GAN: variants seen among roughly 807,000 people sequenced by gnomAD.
The protein encoded by GAN is epididymis secretory sperm binding protein.
In GAN, 48 loss-of-function variants were observed where a neutral mutation model predicts 71.3. The ratio of observed to expected loss-of-function variants is 0.67; its 90% confidence interval spans 0.53 to 0.86. The LOEUF (loss-of-function observed/expected upper bound fraction) is 0.86. GAN is among the 40% of genes least tolerant of loss of function. The pLI is 0.00. For missense variants in GAN, 928 were observed against 770.1 expected (o/e 1.21, Z -2.43); for synonymous variants, 386 against 276.8 (o/e 1.39, Z -3.92).
At chr16:81,335,870 T>C (rs1279302539) in intron 1 of GAN, among the ~76,000 whole-genome samples, 1 of 150,898 alleles carries the variant, frequency 6.6e-6, no homozygotes, top group East Asian at 1.9e-4. Context: ...CAGAGAGAAA[T>C]GAATAGAGAA....
intron 1 of GAN, among the ~76,000 whole-genome samples, chr16:81,348,236 A>C (rs1301082657): frequency 2.0e-5 from 3 of 152,114 alleles, no homozygotes; most frequent in Non-Finnish European, 4.4e-5. Context: ...TTTTTTTTTC[A>C]ATCATTACCA....
rs1904312863 is a variant in GAN at position 81,382,911 on chromosome 16, C to T, written c.*5315C>T. ...TTATGTGACATCTGAGGAATTAAATCATACTTCCAGATGGTTTGGTCTAAT... is the reference window on the plus strand; with the variant it reads ...TTATGTGACATCTGAGGAATTAAATTATACTTCCAGATGGTTTGGTCTAAT... On this transcript the variant is annotated 3_prime_UTR_variant, in exon 11 of 11. Transcript: ENST00000648994. 6.6e-6 allele frequency: 1 copy of T among 152,190 alleles called. No individual in the cohort carries two copies. Among genetic ancestry groups the T allele is most frequent in the South Asian group, 2.1e-4 (1 of 4,822 alleles). 9.4% of individuals were successfully genotyped at this position (152,190 alleles called of 1,614,324 possible).
intron 1 of GAN, among the ~76,000 whole-genome samples, chr16:81,329,126 C>G (rs991864567): frequency 6.6e-6 from 1 of 151,808 alleles, no homozygotes; most frequent in Non-Finnish European, 1.5e-5. Context: ...TCCTCCCTGA[C>G]TGTCTCATCT....
At chr16:81,363,447 C>T (rs781508788) in intron 6 of GAN, among the ~76,000 whole-genome samples, 14 of 151,244 alleles carry the variant, frequency 9.3e-5, no homozygotes, top group Non-Finnish European at 1.8e-4. Context: ...TGGTTTTGAA[C>T]GTGGTACTTC....
chr16:81,383,515 A>T lies in GAN; in HGVS notation c.*5919A>T, dbSNP rs1904323003. On this transcript the variant is annotated 3_prime_UTR_variant, in exon 11 of 11. Transcript: ENST00000648994. Reference sequence around the variant, plus strand: ...TGATCCGCCCGCCTCAGCCTCCCAAAGTGCTGGATTACAGGTGTGAGCCAC... The same window carrying T: ...TGATCCGCCCGCCTCAGCCTCCCAATGTGCTGGATTACAGGTGTGAGCCAC... 6.7e-6 allele frequency: 1 copy of T among 149,954 alleles called. No individual in the cohort carries two copies. The highest frequency in any genetic ancestry group is 6.6e-5 in the Admixed American group (1 of 15,078). The allele number at this position is 149,954 out of a possible 1,614,324, so 9.3% of individuals were successfully genotyped here. A position where few individuals can be genotyped will look rare whatever the true frequency, so the allele number is the denominator to read the frequency against.
rs1904487282 is a variant in GAN at position 81,389,018 on chromosome 16, TATC to T, written c.*11427_*11429del. 6.6e-6 allele frequency: 1 copy of T among 152,188 alleles called. No individual in the cohort carries two copies. Among genetic ancestry groups the T allele is most frequent in the African/African-American group, 2.4e-5 (1 of 41,446 alleles). The allele number at this position is 152,188 out of a possible 1,614,324, so 9.4% of individuals were successfully genotyped here. On this transcript the variant is annotated 3_prime_UTR_variant, in exon 11 of 11. Transcript: ENST00000648994. ...CTGGTACATGGGGCGGGCAAAAGGG[TATC>T]ATCAGCTTAAGAAGTAAAGAAGTGA...
chr16:81,363,212 A>T (rs1479598810), intron 6 of GAN, among the ~76,000 whole-genome samples: 1 of 152,218 alleles, frequency 6.6e-6, no homozygotes, highest in Admixed American at 6.5e-5. Context: ...CGTCAACTTG[A>T]AAACACTGCC....
intron 9 of GAN, among the ~76,000 whole-genome samples, chr16:81,366,876 G>C (rs778703847): frequency 2.1e-4 from 32 of 152,218 alleles, no homozygotes; most frequent in Non-Finnish European, 2.6e-4. Context: ...CCGGGCTAGA[G>C]TGCAGTGGCG....
rs1198952118 is a variant in GAN, at chr16:81,387,520, T to A, written c.*9924T>A. The A allele has an allele frequency of 2.0e-5, 3 of 152,694 alleles. No individual in the cohort carries two copies. Among genetic ancestry groups the A allele is most frequent in the Admixed American group, 2.0e-4 (3 of 15,308 alleles). 9.5% of individuals were successfully genotyped at this position (152,694 alleles called of 1,614,324 possible). A position where few individuals can be genotyped will look rare whatever the true frequency, so the allele number is the denominator to read the frequency against. ...TGTGTCCTGACCCCTCTTGCCTTGT[T>A]TTTGATCTGCTCAGGCCGGGTGCAG... On this transcript the variant is annotated 3_prime_UTR_variant, in exon 11 of 11. Transcript: ENST00000648994.
chr16:81,353,671 T>C (rs1348752701), intron 2 of GAN, among the ~76,000 whole-genome samples: 1 of 152,196 alleles, frequency 6.6e-6, no homozygotes, highest in Non-Finnish European at 1.5e-5. Flanking sequence ...CTTAGGACTG[T>C]GGCAATATTT....
rs150494178 is a variant in GAN, at chr16:81,368,518, G to C, written c.1502+3040G>C. Among the ~76,000 whole-genome samples the C allele has an allele frequency of 2.2e-3, 333 of 152,302 alleles. 2 individuals carry two copies. The highest frequency in any genetic ancestry group is 7.6e-3 in the African/African-American group (318 of 41,572). ...GCTACTTGGAAGGCTGAGGCAGAAG[G>C]ATCACTTGAGCCTGGGAAGTGGTGG... On this transcript the variant is annotated intron_variant, in intron 9 of 10. Coordinates refer to ENST00000648994, the MANE Select transcript of GAN (RefSeq NM_022041.4).
chr16:81,376,463 A>ATATG (rs1339101049), intron 9 of GAN, among the ~76,000 whole-genome samples: 1 of 90,062 alleles, frequency 1.1e-5, no homozygotes, highest in Admixed American at 1.2e-4. Context: ...TTATACATAC[A>ATATG]TATGTGTGTG....
At chr16:81,342,220 TGAATGAGACAGAA>T (rs1383434842) in intron 1 of GAN, among the ~76,000 whole-genome samples, 1 of 152,166 alleles carries the variant, frequency 6.6e-6, no homozygotes, top group Non-Finnish European at 1.5e-5. Flanking sequence ...ATTAGACAGA[TGAATGAGACAGAA>T]AATTAATAAG....
chr16:81,325,177 G>C (rs1909344707), intron 1 of GAN, among the ~76,000 whole-genome samples: 1 of 152,222 alleles, frequency 6.6e-6, no homozygotes, highest in Non-Finnish European at 1.5e-5. Flanking sequence ...GTGAAATACA[G>C]AGCTTACTCT....
At chr16:81,336,376 G>C (rs1464804566) in intron 1 of GAN, among the ~76,000 whole-genome samples, 2 of 152,192 alleles carry the variant, frequency 1.3e-5, no homozygotes, top group Non-Finnish European at 2.9e-5. Context: ...TGTGAGACAA[G>C]GCCATCTGTT....
At chr16:81,330,406 G>C (rs1425929408) in intron 1 of GAN, among the ~76,000 whole-genome samples, 1 of 152,122 alleles carries the variant, frequency 6.6e-6, no homozygotes. Flanking sequence ...CACCCAGAAG[G>C]GACTCCCAGA....
rs1910515020 is a variant in GAN, at chr16:81,357,077, T to C, written c.851+75T>C. On this transcript the variant is annotated intron_variant, in intron 4 of 10. Coordinates refer to ENST00000648994, the MANE Select transcript of GAN (RefSeq NM_022041.4). Reference sequence around the variant, plus strand: ...GTTCCATGTAAACAAGAATTCATAATGCTTTTCAGTATCTAAAACATAATT... The same window carrying C: ...GTTCCATGTAAACAAGAATTCATAACGCTTTTCAGTATCTAAAACATAATT... 6 of 918,170 alleles carry C rather than the reference T, an allele frequency of 6.5e-6. No homozygotes were observed. The East Asian group carries it at 1.4e-4, about 22-fold the overall frequency. 56.9% of individuals were successfully genotyped at this position (918,170 alleles called of 1,614,324 possible).
chr16:81,377,382 A>G lies in GAN; in HGVS notation c.1613-33A>G, dbSNP rs751951690. ...ACTGTTTCCTGGTGATTCTGGGTACATTTTCTCACCCTTGCTTATTTCTGT... is the reference window on the plus strand; with the variant it reads ...ACTGTTTCCTGGTGATTCTGGGTACGTTTTCTCACCCTTGCTTATTTCTGT... On this transcript the variant is annotated intron_variant, in intron 10 of 10. Coordinates refer to ENST00000648994, the MANE Select transcript of GAN (RefSeq NM_022041.4). 20 of 1,607,436 alleles carry G rather than the reference A, an allele frequency of 1.2e-5. No homozygotes were observed. In the African/African-American group the frequency reaches 1.3e-4, roughly 11 times the overall value.
chr16:81,356,875 C>T lies in GAN; in HGVS notation c.724C>T (p.Arg242Ter), dbSNP rs764816887. ...ACAGATGCTGAATGAACCATTAGTA[C>T]GAGAAATTGTCAAAGAGTGTAGCAA... ...REQMLNEPLV[R>*]EIVKECSNIP... Residue 242 changes from arginine to a stop codon, truncating the protein, a stop_gained, in exon 4 of 11, where the codon CGA becomes TGA. Coordinates refer to ENST00000648994, the MANE Select transcript of GAN (RefSeq NM_022041.4). LOFTEE classifies it high-confidence loss of function. 1 of 1,613,336 alleles carries T rather than the reference C, an allele frequency of 6.2e-7. No homozygotes were observed.
Sources: allele counts gnomAD v4.1 joint callset (sites outside exome capture counted in the v4.1 genomes callset), GRCh38; gene constraint gnomAD v4.1.1; transcripts MANE v1.5; gene names NCBI Gene and HGNC (gene_info 2026-07-23, HGNC 2026-07-21).